The following WDFY3 variants were observed in gnomAD, a reference collection of about 807,000 sequenced individuals.
WDFY3 encodes WD repeat and FYVE domain-containing protein 3.
WDFY3 carries 66 observed loss-of-function variants against 409.6 expected under a neutral mutation model. The ratio of observed to expected loss-of-function variants is 0.16; its 90% confidence interval spans 0.13 to 0.20. The LOEUF (loss-of-function observed/expected upper bound fraction) is 0.20, where lower values mean the gene tolerates loss of function less well. WDFY3 is among the 10% of genes least tolerant of loss of function. The probability of loss-of-function intolerance (pLI) is 1.00; values close to 1 mark genes in which losing one functional copy is unlikely to be tolerated. For synonymous variants in WDFY3, 1,521 were observed against 1,537.1 expected, an observed-to-expected ratio of 0.99 and a Z score of 0.25; for missense variants, 3,031 against 4,298.1, an observed-to-expected ratio of 0.71 and a Z score of 8.24.
At chr4:84,950,396 C>G (rs1456692909) in intron 1 of WDFY3, among the ~76,000 whole-genome samples, 2 of 150,822 alleles carry the variant, frequency 1.3e-5, no homozygotes, top group Non-Finnish European at 2.9e-5. Flanking sequence ...GCACACATAT[C>G]CCAGAACTTA....
rs563355089 is a variant in WDFY3 at position 84,698,054 on chromosome 4, C to T, written c.8597-1231G>A. On this transcript the variant is annotated intron_variant, in intron 56 of 67. Coordinates refer to ENST00000295888, the MANE Select transcript of WDFY3 (RefSeq NM_014991.6). Reference sequence around the variant, plus strand: ...TTCCTCCTCAACCACACACACTGCACGCTGTCTGTTGAATCTCCCTGAAAT... The same window carrying T: ...TTCCTCCTCAACCACACACACTGCATGCTGTCTGTTGAATCTCCCTGAAAT... 2.5e-4 allele frequency among the ~76,000 whole-genome samples: 38 copies of T among 152,198 alleles called. 1 individual carries two copies. The highest frequency in any genetic ancestry group is 9.6e-4 in the East Asian group (5 of 5,184).
chr4:84,776,008 A>C (rs1165064870), intron 27 of WDFY3, among the ~76,000 whole-genome samples: 2 of 152,102 alleles, frequency 1.3e-5, no homozygotes, highest in Non-Finnish European at 2.9e-5. Context: ...GGAGATTTAC[A>C]CAAAGGAATA....
intron 3 of WDFY3, among the ~76,000 whole-genome samples, chr4:84,888,717 G>A (rs1414750158): frequency 6.6e-6 from 1 of 152,074 alleles, no homozygotes; most frequent in Non-Finnish European, 1.5e-5. Context: ...TATGAGAGCC[G>A]ATGGCTAAAT....
chr4:84,808,733 T>A (rs1400302632), intron 14 of WDFY3: 1 of 192,666 alleles, frequency 5.2e-6, no homozygotes, highest in Admixed American at 5.8e-5. Flanking sequence ...GAAAAGAGGT[T>A]GAATCTGAAT....
chr4:84,840,695 A>G (rs1255153038), intron 6 of WDFY3, among the ~76,000 whole-genome samples: 2 of 151,718 alleles, frequency 1.3e-5, no homozygotes, highest in Non-Finnish European at 2.9e-5. Flanking sequence ...CTCTTGCCTC[A>G]GCCTCTGAAC....
intron 1 of WDFY3, among the ~76,000 whole-genome samples, chr4:84,947,470 C>T (rs894337466): frequency 1.3e-5 from 2 of 149,670 alleles, no homozygotes; most frequent in Admixed American, 6.7e-5. Context: ...CAAGATTGTG[C>T]CACTGCACTC....
chr4:84,714,598 G>T (rs1220532625), intron 50 of WDFY3, among the ~76,000 whole-genome samples: 2 of 152,174 alleles, frequency 1.3e-5, no homozygotes, highest in East Asian at 3.9e-4. Flanking sequence ...TCAATAGCAA[G>T]AAACTGCATT....
intron 6 of WDFY3, among the ~76,000 whole-genome samples, chr4:84,838,084 TG>T (rs1169986922): frequency 2.6e-5 from 4 of 152,154 alleles, no homozygotes; most frequent in Non-Finnish European, 4.4e-5. Context: ...AAAGATCACC[TG>T]GAAGATACAT....
chr4:84,745,604 T>C (rs549851149), intron 36 of WDFY3, among the ~76,000 whole-genome samples: 2 of 152,338 alleles, frequency 1.3e-5, no homozygotes, highest in South Asian at 2.1e-4. Flanking sequence ...TTCTTCTGCA[T>C]GAGACTATTC....
Position 84,786,054 on chromosome 4 carries a change from G to C in WDFY3, c.3987C>G (p.Leu1329=), listed in dbSNP as rs775485845. ...TTGCCACTGTTAGAGACGACACAGAGAGTGCATAGAGGCCAAATGACACTT... is the reference window on the plus strand; with the variant it reads ...TTGCCACTGTTAGAGACGACACAGACAGTGCATAGAGGCCAAATGACACTT... ...EEKVSFGLYA[L]SVSSLTVARI... Residue 1329 remains leucine, a synonymous_variant, in exon 24 of 68, where the codon CTC becomes CTG. Transcript: ENST00000295888. 6.2e-7 allele frequency: 1 copy of C among 1,614,044 alleles called. No individual in the cohort carries two copies. The highest frequency in any genetic ancestry group is 8.5e-7 in the Non-Finnish European group (1 of 1,179,962).
chr4:84,831,756 C>T (rs1263277140), intron 7 of WDFY3, 151 bp from the exon 8 acceptor site: 3 of 652,366 alleles, frequency 4.6e-6, no homozygotes, highest in East Asian at 2.8e-5. Context: ...CATCACTAAT[C>T]ATCAGGGAAA....
intron 37 of WDFY3, among the ~76,000 whole-genome samples, chr4:84,742,431 GCT>G (rs1183284221): frequency 6.6e-6 from 1 of 152,056 alleles, no homozygotes; most frequent in African/African-American, 2.4e-5. Context: ...ATTACCATCA[GCT>G]CTCTCTCTTT....
chr4:84,747,433 T>C lies in WDFY3; in HGVS notation c.5974-3634A>G, dbSNP rs148233250. 1.3e-3 allele frequency among the ~76,000 whole-genome samples: 192 copies of C among 152,288 alleles called. 2 individuals carry two copies. Among genetic ancestry groups the C allele is most frequent in the East Asian group, 6.2e-3 (32 of 5,166 alleles). On this transcript the variant is annotated intron_variant, in intron 36 of 67. Transcript: ENST00000295888. The stretch of plus-strand genomic sequence containing the variant: ...GGTGCTCTCTTTGCCCAATTTGCCA[T>C]TGTTTTTTGCTTGTTTCCCTGTAGT...
chr4:84,824,735 T>G (rs1017638219), intron 10 of WDFY3, among the ~76,000 whole-genome samples: 1 of 152,172 alleles, frequency 6.6e-6, no homozygotes, highest in Non-Finnish European at 1.5e-5. Flanking sequence ...GTAGATTTAA[T>G]GTACACAATT....
chr4:84,696,909 G>A, intron 56 of WDFY3, 86 bp from the exon 57 acceptor site: 1 of 1,208,560 alleles, frequency 8.3e-7, no homozygotes, highest in Non-Finnish European at 1.2e-6. Context: ...AGAAATGGTG[G>A]GTTAGATTCA....
At chr4:84,822,050 T>C (rs1754147162) in intron 10 of WDFY3, among the ~76,000 whole-genome samples, 1 of 152,176 alleles carries the variant, frequency 6.6e-6, no homozygotes. Flanking sequence ...TTATAAATTT[T>C]AAGCTGGAAG....
intron 10 of WDFY3, 105 bp downstream of exon 10, chr4:84,826,710 A>AC: frequency 8.7e-7 from 1 of 1,152,052 alleles, no homozygotes; most frequent in Non-Finnish European, 1.1e-6. Flanking sequence ...AAACTATATT[A>AC]CTTTTATATA....
At chr4:84,779,172 A>AT (rs1746077675) in intron 26 of WDFY3, among the ~76,000 whole-genome samples, 2 of 152,104 alleles carry the variant, frequency 1.3e-5, no homozygotes, top group African/African-American at 4.8e-5. Flanking sequence ...AGATTGTTCT[A>AT]TTTTTTCATG....
chr4:84,684,800 C>G (rs1316645295), intron 62 of WDFY3, among the ~76,000 whole-genome samples: 3 of 152,096 alleles, frequency 2.0e-5, no homozygotes, highest in Non-Finnish European at 4.4e-5. Context: ...AAAGAACAAC[C>G]TATTTTCTTA....
Sources: allele counts gnomAD v4.1 joint callset (sites outside exome capture counted in the v4.1 genomes callset), GRCh38; gene constraint gnomAD v4.1.1; transcripts MANE v1.5; gene names NCBI Gene and HGNC (gene_info 2026-07-23, HGNC 2026-07-21).